WAC: variants seen among roughly 807,000 people sequenced by gnomAD.
The protein encoded by WAC is WW domain containing adaptor with coiled-coil.
Under a neutral mutation model 79.6 loss-of-function variants are expected in WAC, and 11 were observed. That is an observed-to-expected ratio of 0.14 (90% CI 0.09 to 0.23). The LOEUF (loss-of-function observed/expected upper bound fraction) is 0.23. Among genes scored for constraint, WAC ranks in the 10% least tolerant of loss-of-function variants. The pLI, the probability that WAC is intolerant of heterozygous loss-of-function variation, is 1.00. For missense variants in WAC, 728 were observed against 773.5 expected, an observed-to-expected ratio of 0.94 and a Z score of 0.70; for synonymous variants, 304 against 276.9, an observed-to-expected ratio of 1.10 and a Z score of -0.97.
intron 2 of WAC, 186 bp downstream of exon 2, chr10:28,534,220 A>C (rs1836482220): frequency 2.0e-6 from 1 of 496,502 alleles, no homozygotes; most frequent in Non-Finnish European, 3.5e-6. Flanking sequence ...AGGTTTAGTG[A>C]CTTATTTTGA....
chr10:28,538,866 TAAAAAAAAAAAAA>T (rs5784069), intron 3 of WAC, among the ~76,000 whole-genome samples: 2 of 126,896 alleles, frequency 1.6e-5, no homozygotes, highest in African/African-American at 3.0e-5. Context: ...CCCGTCTGTT[TAAAAAAAAAAAAA>T]AAAAAGAAAA....
intron 3 of WAC, among the ~76,000 whole-genome samples, chr10:28,550,059 G>C (rs530162551): frequency 1.3e-5 from 2 of 152,108 alleles, no homozygotes; most frequent in South Asian, 4.2e-4. Flanking sequence ...CCAGCTACTC[G>C]GGAGGCTGAT....
In WAC at chr10:28,622,279, A is replaced by G. The variant is rs1485760815; in HGVS notation, c.*2673A>G. 2.0e-5 allele frequency: 3 copies of G among 152,124 alleles called. No individual in the cohort carries two copies. The highest frequency in any genetic ancestry group is 6.5e-5 in the Admixed American group (1 of 15,272). The allele number at this position is 152,124 out of a possible 1,614,324, so 9.4% of individuals were successfully genotyped here. ...CAGCTCCTAACCTTAACTAGGGAAT[A>G]TCTATTAAAATAAGCATAATGTTCT... is the stretch of plus-strand genomic sequence containing the variant. On this transcript the variant is annotated 3_prime_UTR_variant, in exon 14 of 14. Transcript: ENST00000354911.
At chr10:28,609,926 C>CTT (rs35905966) in intron 8 of WAC, among the ~76,000 whole-genome samples, 2,182 of 115,614 alleles carry the variant, frequency 0.019, 94 homozygotes, top group African/African-American at 0.055. Context: ...TTCCTAAATA[C>CTT]TTTTTTTTTT....
intron 7 of WAC, among the ~76,000 whole-genome samples, chr10:28,599,188 T>C (rs1457006876): frequency 2.0e-5 from 3 of 152,208 alleles, no homozygotes; most frequent in East Asian, 3.9e-4. Flanking sequence ...GTAAAATTAG[T>C]GATTTTACTT....
intron 2 of WAC, chr10:28,534,317 A>G: frequency 2.6e-6 from 1 of 383,100 alleles, no homozygotes; most frequent in Non-Finnish European, 4.6e-6. Flanking sequence ...ATTATTTGCG[A>G]GTGAAGGAAT....
intron 3 of WAC, among the ~76,000 whole-genome samples, chr10:28,582,485 C>G (rs953910226): frequency 6.6e-6 from 1 of 152,088 alleles, no homozygotes; most frequent in African/African-American, 2.4e-5. Flanking sequence ...ACTGATAATT[C>G]CTGGACCACT....
At chr10:28,575,829 C>G (rs74756897) in intron 3 of WAC, among the ~76,000 whole-genome samples, 13 of 152,260 alleles carry the variant, frequency 8.5e-5, no homozygotes, top group African/African-American at 3.1e-4. Flanking sequence ...GTGCCGCCTC[C>G]CATTTTAAAA....
In WAC at chr10:28,612,353, T is replaced by C. The variant is rs546860236; in HGVS notation, c.1437+431T>C. Among the ~76,000 whole-genome samples, 17 of 152,342 alleles carry C rather than the reference T, an allele frequency of 1.1e-4. No homozygotes were observed. The South Asian group carries it at 3.1e-3, about 28-fold the overall frequency. ...ACATCGTGAGAATCACTTGCTTTAT[T>C]TAATAGATGAGAAAATCAAACTCTC... On this transcript the variant is annotated intron_variant, in intron 10 of 13. Transcript: ENST00000354911.
At chr10:28,583,604 T>G in intron 4 of WAC, 99 bp downstream of exon 4, 1 of 733,062 alleles carries the variant, frequency 1.4e-6, no homozygotes, top group Non-Finnish European at 2.1e-6. Context: ...ATCTAATGTC[T>G]TTTTTTTTAA....
intron 8 of WAC, among the ~76,000 whole-genome samples, chr10:28,609,747 G>T (rs896155803): frequency 1.2e-4 from 18 of 152,060 alleles, no homozygotes; most frequent in Admixed American, 1.0e-3. Context: ...GGTGGTGAAC[G>T]CCTGTAGTTC....
Position 28,614,444 on chromosome 10 carries a change from A to G in WAC, c.1438-123A>G, listed in dbSNP as rs180792984. On this transcript the variant is annotated intron_variant, in intron 10 of 13. Transcript: ENST00000354911. ...GACCTTGGGCCATTTTCACAAAGAA[A>G]TGAGATCTAAGTTTCAGAACTTGAC... is the stretch of plus-strand genomic sequence containing the variant. The G allele has an allele frequency of 2.1e-3, 1,389 of 668,524 alleles. 3 individuals carry two copies. The highest frequency in any genetic ancestry group is 3.1e-3 in the Non-Finnish European group (1,233 of 394,908). 41.4% of individuals were successfully genotyped at this position (668,524 alleles called of 1,614,324 possible).
At position 28,535,596 on chromosome 10, in the gene WAC, G is replaced by A; in HGVS notation, c.113G>A (p.Ser38Asn). 1 of 1,614,010 alleles carries A rather than the reference G, an allele frequency of 6.2e-7. No individual in the cohort carries two copies. Among genetic ancestry groups the A allele is most frequent in the South Asian group, 1.1e-5 (1 of 91,082 alleles). ...LKYSSKSHPS[S>N]GDHRHEKMRD... is the part of the protein sequence containing the mutation. ...TATTCATCGAAGAGTCACCCCAGTAGCGGTGATCACAGACATGAAAAGATG... is the reference window on the plus strand; with the variant it reads ...TATTCATCGAAGAGTCACCCCAGTAACGGTGATCACAGACATGAAAAGATG... The change falls in exon 3 of 14, where the codon AGC becomes AAC. Residue 38 changes from serine (S) to asparagine (N), a missense_variant. Coordinates refer to ENST00000354911, the MANE Select transcript of WAC (RefSeq NM_016628.5).
At chr10:28,605,223 T>C (rs1840880996) in intron 7 of WAC, among the ~76,000 whole-genome samples, 1 of 152,226 alleles carries the variant, frequency 6.6e-6, no homozygotes, top group African/African-American at 2.4e-5. Context: ...TGTTTTTCTT[T>C]TGTTTGTTTT....
At chr10:28,534,821 C>T (rs1197799588) in intron 2 of WAC, among the ~76,000 whole-genome samples, 1 of 152,204 alleles carries the variant, frequency 6.6e-6, no homozygotes, top group Non-Finnish European at 1.5e-5. Flanking sequence ...ACACTGTCTT[C>T]TGATATGTAA....
rs1836586344 is a variant in WAC, at chr10:28,535,382, C to T, written c.79-180C>T. The T allele has an allele frequency of 1.2e-5, 6 of 502,964 alleles. No individual in the cohort carries two copies. In the South Asian group the frequency reaches 1.6e-4, roughly 14 times the overall value. The allele number at this position is 502,964 out of a possible 1,614,324, so 31.2% of individuals were successfully genotyped here. On this transcript the variant is annotated intron_variant, in intron 2 of 13. Coordinates refer to ENST00000354911, the MANE Select transcript of WAC (RefSeq NM_016628.5). ...TTTGTTATCAGGAGTCTTATTGTAACGCTTAAGCATTAGGTTTTTTGTCTG... is the reference window on the plus strand; with the variant it reads ...TTTGTTATCAGGAGTCTTATTGTAATGCTTAAGCATTAGGTTTTTTGTCTG...
chr10:28,557,668 T>A (rs1490938317), intron 3 of WAC, among the ~76,000 whole-genome samples: 1 of 152,110 alleles, frequency 6.6e-6, no homozygotes, highest in Non-Finnish European at 1.5e-5. Context: ...CACTCCAGCC[T>A]GGGAGACAGA....
chr10:28,534,231 C>G, intron 2 of WAC, 197 bp downstream of exon 2: 1 of 474,408 alleles, frequency 2.1e-6, no homozygotes, highest in Non-Finnish European at 3.7e-6. Context: ...CTTATTTTGA[C>G]AGGTGACTGG....
chr10:28,533,472 C>T lies in WAC; in HGVS notation c.-108C>T, dbSNP rs1836390088. ...AGAGTCGCCGAGGGCGCGCCGGGCC[C>T]AGGTGCCGGGGCTGCCCGCCGCCCG... is the stretch of plus-strand genomic sequence containing the variant. On this transcript the variant is annotated 5_prime_UTR_variant, in exon 1 of 14. Coordinates refer to ENST00000354911, the MANE Select transcript of WAC (RefSeq NM_016628.5). 1 of 563,878 alleles carries T rather than the reference C, an allele frequency of 1.8e-6. No individual in the cohort carries two copies. Among genetic ancestry groups the T allele is most frequent in the Admixed American group, 6.4e-5 (1 of 15,512 alleles). 34.9% of individuals were successfully genotyped at this position (563,878 alleles called of 1,614,324 possible).
Sources: allele counts gnomAD v4.1 joint callset (sites outside exome capture counted in the v4.1 genomes callset), GRCh38; gene constraint gnomAD v4.1.1; transcripts MANE v1.5; gene names NCBI Gene and HGNC (gene_info 2026-07-23, HGNC 2026-07-21).